The following TYR variants were observed in gnomAD, a reference collection of about 807,000 sequenced individuals.
TYR encodes tyrosinase, also known as LB24-AB.
A neutral mutation model predicts 51.5 loss-of-function variants in TYR; 58 were observed. The observed-to-expected ratio is 1.13, with a 90% CI of 0.91 to 1.40. TYR has a LOEUF of 1.40. Among genes scored for constraint, TYR ranks in the 40% most tolerant of loss-of-function variants. TYR has a pLI of 0.00. For missense variants in TYR, 732 were observed against 647.4 expected (o/e 1.13, Z -1.42); for synonymous variants, 263 against 235.2 (o/e 1.12, Z -1.08).
intron 3 of TYR, among the ~76,000 whole-genome samples, chr11:89,250,197 G>T (rs1313042595): frequency 6.6e-6 from 1 of 151,958 alleles, no homozygotes; most frequent in African/African-American, 2.4e-5. Flanking sequence ...CAACAGGAAA[G>T]AACTATAGTG....
intron 3 of TYR, among the ~76,000 whole-genome samples, chr11:89,279,299 G>A (rs1305191533): frequency 6.6e-6 from 1 of 151,576 alleles, no homozygotes; most frequent in African/African-American, 2.4e-5. Flanking sequence ...TTTCTTTGTA[G>A]CAGCTGGCCA....
At chr11:89,220,296 T>C (rs1409621559) in intron 2 of TYR, among the ~76,000 whole-genome samples, 1 of 152,098 alleles carries the variant, frequency 6.6e-6, no homozygotes, top group East Asian at 1.9e-4. Flanking sequence ...GGAGCCAGCG[T>C]GAAGGGTAGC....
At chr11:89,253,686 A>G (rs1247244335) in intron 3 of TYR, among the ~76,000 whole-genome samples, 1 of 141,908 alleles carries the variant, frequency 7.0e-6, no homozygotes, top group African/African-American at 2.6e-5. Flanking sequence ...GTATAACGAA[A>G]CTTTGCTGAA....
intron 1 of TYR, among the ~76,000 whole-genome samples, chr11:89,181,023 G>A (rs574953814): frequency 7.2e-5 from 11 of 152,228 alleles, no homozygotes; most frequent in African/African-American, 2.4e-4. Flanking sequence ...TTCAGATTCA[G>A]GTGGTCTCCT....
At chr11:89,195,009 C>A (rs1565393452) in intron 2 of TYR, among the ~76,000 whole-genome samples, 1 of 152,134 alleles carries the variant, frequency 6.6e-6, no homozygotes, top group East Asian at 1.9e-4. Context: ...CAGAGAGACA[C>A]ATTTTATCTC....
intron 3 of TYR, among the ~76,000 whole-genome samples, chr11:89,236,257 CCAG>C (rs1307724855): frequency 6.6e-6 from 1 of 151,372 alleles, no homozygotes; most frequent in African/African-American, 2.4e-5. Flanking sequence ...CACACACACA[CCAG>C]ACAAGAGAAA....
intron 2 of TYR, among the ~76,000 whole-genome samples, chr11:89,203,093 T>G (rs1943621924): frequency 6.6e-6 from 1 of 152,206 alleles, no homozygotes; most frequent in African/African-American, 2.4e-5. Context: ...ACATTACAAG[T>G]GAGCAACAGA....
At chr11:89,246,500 G>A (rs1284542329) in intron 3 of TYR, among the ~76,000 whole-genome samples, 2 of 152,120 alleles carry the variant, frequency 1.3e-5, no homozygotes, top group Non-Finnish European at 2.9e-5. Flanking sequence ...ATGCTCTCCA[G>A]TATTGGCATC....
chr11:89,271,916 G>A (rs111865182), intron 3 of TYR, among the ~76,000 whole-genome samples: 9 of 151,782 alleles, frequency 5.9e-5, no homozygotes, highest in Non-Finnish European at 8.8e-5. Context: ...CCCCTCATTC[G>A]TTCAAATTTT....
At chr11:89,249,461 G>T (rs1466917600) in intron 3 of TYR, among the ~76,000 whole-genome samples, 2 of 100,134 alleles carry the variant, frequency 2.0e-5, no homozygotes, top group Non-Finnish European at 3.8e-5. Flanking sequence ...AGCCACAAAA[G>T]CCATGTAGCC....
In TYR at chr11:89,230,228, C is replaced by T. The variant is rs567114040; in HGVS notation, c.1184+2258C>T. On this transcript the variant is annotated intron_variant, in intron 3 of 4. Coordinates refer to ENST00000263321, the MANE Select transcript of TYR (RefSeq NM_000372.5). ...AGAATTGAGAGCCCATAAGTCAATC[C>T]AATAATTTACATTCAATTAACTTTT... is the stretch of plus-strand genomic sequence containing the variant. Among the ~76,000 whole-genome samples, 5 of 152,092 alleles carry T rather than the reference C, an allele frequency of 3.3e-5. No individual in the cohort carries two copies. In the South Asian group the frequency reaches 6.2e-4, roughly 19 times the overall value.
chr11:89,285,290 T>C (rs116928762), intron 4 of TYR, among the ~76,000 whole-genome samples: 4,684 of 151,796 alleles, frequency 0.031, 117 homozygotes, highest in Non-Finnish European at 0.047. Context: ...TCCCTGAATC[T>C]CAGTTTATTC....
chr11:89,180,684 G>C (rs569714142), intron 1 of TYR, among the ~76,000 whole-genome samples: 8 of 152,208 alleles, frequency 5.3e-5, no homozygotes, highest in African/African-American at 1.9e-4. Flanking sequence ...AAACAGAGTG[G>C]AAGGAAGATG....
At chr11:89,222,050 G>A (rs1029538456) in intron 2 of TYR, among the ~76,000 whole-genome samples, 1 of 152,276 alleles carries the variant, frequency 6.6e-6, no homozygotes, top group East Asian at 1.9e-4. Flanking sequence ...ATTTTCAAAG[G>A]AACATGGAAC....
chr11:89,196,868 G>C (rs1336695450), intron 2 of TYR, among the ~76,000 whole-genome samples: 3 of 152,092 alleles, frequency 2.0e-5, no homozygotes, highest in African/African-American at 7.2e-5. Flanking sequence ...GACTTAAATA[G>C]AGCCATCCAT....
At chr11:89,227,029 G>A (rs574775439) in intron 2 of TYR, among the ~76,000 whole-genome samples, 19 of 152,068 alleles carry the variant, frequency 1.2e-4, no homozygotes, top group African/African-American at 2.9e-4. Context: ...TAATTGATAC[G>A]GATTAAAATC....
intron 2 of TYR, among the ~76,000 whole-genome samples, chr11:89,223,582 C>T (rs1343866608): frequency 6.6e-6 from 1 of 152,040 alleles, no homozygotes; most frequent in Non-Finnish European, 1.5e-5. Flanking sequence ...CTCTCTTATT[C>T]CCAATCTCTG....
At chr11:89,240,567 A>C (rs954207187) in intron 3 of TYR, among the ~76,000 whole-genome samples, 1 of 152,038 alleles carries the variant, frequency 6.6e-6, no homozygotes, top group African/African-American at 2.4e-5. Context: ...CTTTTTTGCT[A>C]TTCAGAAGTT....
At chr11:89,270,688 T>C (rs115433700) in intron 3 of TYR, among the ~76,000 whole-genome samples, 3,660 of 151,986 alleles carry the variant, frequency 0.024, 140 homozygotes, top group African/African-American at 0.082. Context: ...TTGAATAATT[T>C]AAAAAATTTA....
Sources: allele counts gnomAD v4.1 joint callset (sites outside exome capture counted in the v4.1 genomes callset), GRCh38; gene constraint gnomAD v4.1.1; transcripts MANE v1.5; gene names NCBI Gene and HGNC (gene_info 2026-07-23, HGNC 2026-07-21).